CALCR: variants seen among roughly 807,000 people sequenced by gnomAD.
CALCR encodes calcitonin receptor.
CALCR carries 47 observed loss-of-function variants against 59.5 expected under a neutral mutation model. That is an observed-to-expected ratio of 0.79 (90% CI 0.63 to 1.01). The LOEUF is 1.01. Ranked by LOEUF, CALCR falls within the 50% of genes least tolerant of loss-of-function variation. The pLI is 0.00. For synonymous variants in CALCR, 213 were observed against 211.3 expected (o/e 1.01, Z -0.07); for missense variants, 566 against 597.1 (o/e 0.95, Z 0.54).
chr7:93,439,602 T>G (rs1297562284), intron 9 of CALCR, among the ~76,000 whole-genome samples: 1 of 150,518 alleles, frequency 6.6e-6, no homozygotes, highest in African/African-American at 2.4e-5. Flanking sequence ...GCTTTTTCTG[T>G]TTTTTTTTCT....
At chr7:93,490,110 A>C (rs1271730428) in intron 2 of CALCR, among the ~76,000 whole-genome samples, 1 of 152,000 alleles carries the variant, frequency 6.6e-6, no homozygotes, top group African/African-American at 2.4e-5. Context: ...CAACATACGC[A>C]AATCAATAAA....
intron 8 of CALCR, among the ~76,000 whole-genome samples, chr7:93,460,568 A>ATATATATATAT (rs1205349964): frequency 3.7e-5 from 3 of 80,028 alleles, no homozygotes; most frequent in African/African-American, 2.7e-4. Context: ...AAAAAAAAAA[A>ATATATATATAT]AAAAATATAT....
Position 93,436,457 on chromosome 7 carries a change from G to T in CALCR, c.931-287C>A, listed in dbSNP as rs538417257. The stretch of plus-strand genomic sequence containing the variant: ...TAATATGAGCCTTTCTATGGCGGGG[G>T]TGGTGGAGGGGTGTAGTATTACCTC... On this transcript the variant is annotated intron_variant, in intron 11 of 13. Coordinates refer to ENST00000426151, the MANE Select transcript of CALCR (RefSeq NM_001742.4). Among the ~76,000 whole-genome samples, 32 of 152,302 alleles carry T rather than the reference G, an allele frequency of 2.1e-4. No individual in the cohort carries two copies. In the South Asian group the frequency reaches 6.6e-3, roughly 32 times the overall value.
chr7:93,513,239 G>A (rs1459439143), intron 2 of CALCR, among the ~76,000 whole-genome samples: 2 of 152,018 alleles, frequency 1.3e-5, no homozygotes, highest in African/African-American at 4.8e-5. Flanking sequence ...ACAATTGGCA[G>A]CCCCAAATGT....
At chr7:93,573,268 T>C (rs550895489) in intron 2 of CALCR, among the ~76,000 whole-genome samples, 2 of 152,288 alleles carry the variant, frequency 1.3e-5, no homozygotes, top group South Asian at 4.1e-4. Context: ...ATACATAAAA[T>C]ATTTGCTTTC....
At chr7:93,571,399 T>A (rs1313778946) in intron 2 of CALCR, among the ~76,000 whole-genome samples, 2 of 152,038 alleles carry the variant, frequency 1.3e-5, no homozygotes, top group Admixed American at 1.3e-4. Flanking sequence ...GAATGACATT[T>A]AAAAAAATAT....
intron 8 of CALCR, among the ~76,000 whole-genome samples, chr7:93,451,977 C>T (rs912039978): frequency 2.0e-5 from 3 of 151,836 alleles, no homozygotes; most frequent in Non-Finnish European, 2.9e-5. Context: ...ATTGATCACA[C>T]AAGGACATAA....
intron 3 of CALCR, among the ~76,000 whole-genome samples, chr7:93,480,103 T>A (rs1261652640): frequency 2.0e-5 from 3 of 151,926 alleles, no homozygotes; most frequent in Non-Finnish European, 4.4e-5. Context: ...GCAATTCATG[T>A]TCACTAATGA....
At chr7:93,547,342 T>C (rs932949086) in intron 2 of CALCR, among the ~76,000 whole-genome samples, 2 of 152,224 alleles carry the variant, frequency 1.3e-5, no homozygotes, top group Non-Finnish European at 2.9e-5. Context: ...TTGGGGGATA[T>C]ATAAACAAAT....
chr7:93,429,359 G>T (rs139286219), intron 13 of CALCR, among the ~76,000 whole-genome samples: 1 of 152,048 alleles, frequency 6.6e-6, no homozygotes, highest in Admixed American at 6.5e-5. Context: ...GAAAATAAAT[G>T]TTTTCAGTTG....
At chr7:93,429,510 C>T (rs1799602985) in intron 13 of CALCR, among the ~76,000 whole-genome samples, 3 of 152,074 alleles carry the variant, frequency 2.0e-5, no homozygotes, top group Non-Finnish European at 4.4e-5. Flanking sequence ...AAAAATAGAG[C>T]CCTGGCCTCA....
At chr7:93,565,598 G>C (rs975261029) in intron 2 of CALCR, among the ~76,000 whole-genome samples, 4 of 151,944 alleles carry the variant, frequency 2.6e-5, no homozygotes, top group Non-Finnish European at 5.9e-5. Flanking sequence ...TTTCTAAATT[G>C]GCCCTCGAGC....
At chr7:93,472,749 T>C (rs746060749) in intron 5 of CALCR, among the ~76,000 whole-genome samples, 21 of 150,430 alleles carry the variant, frequency 1.4e-4, no homozygotes, top group Non-Finnish European at 2.2e-4. Context: ...GTGAGAGGAG[T>C]CATGGAGCTT....
At chr7:93,503,835 C>G (rs1400075189) in intron 2 of CALCR, among the ~76,000 whole-genome samples, 1 of 152,048 alleles carries the variant, frequency 6.6e-6, no homozygotes, top group Non-Finnish European at 1.5e-5. Flanking sequence ...AGGAACAACC[C>G]TCAAATTAAA....
rs1366454762 is a variant in CALCR, at chr7:93,424,629, T to C, written c.*1727A>G. On this transcript the variant is annotated 3_prime_UTR_variant, in exon 14 of 14. Coordinates refer to ENST00000426151, the MANE Select transcript of CALCR (RefSeq NM_001742.4). ...TTGGGCAGAACTATGTGCAATTCTA[T>C]AATAAGCTATTTTGTTTTCTTCAAC... 6.6e-6 allele frequency: 1 copy of C among 152,656 alleles called. No homozygotes were observed. Among genetic ancestry groups the C allele is most frequent in the Non-Finnish European group, 1.5e-5 (1 of 68,012 alleles). The allele number at this position is 152,656 out of a possible 1,614,324, so 9.5% of individuals were successfully genotyped here. A position where few individuals can be genotyped will look rare whatever the true frequency, so the allele number is the denominator to read the frequency against.
At chr7:93,480,123 G>A (rs1274078944) in intron 3 of CALCR, among the ~76,000 whole-genome samples, 1 of 151,844 alleles carries the variant, frequency 6.6e-6, no homozygotes, top group Non-Finnish European at 1.5e-5. Context: ...AAAAATCAAT[G>A]TATTTCTTAG....
intron 3 of CALCR, among the ~76,000 whole-genome samples, chr7:93,482,600 A>G (rs1800822593): frequency 6.6e-6 from 1 of 151,896 alleles, no homozygotes. Context: ...AAATTCATGG[A>G]AACCATAGGC....
chr7:93,497,276 A>C (rs766714547), intron 2 of CALCR, among the ~76,000 whole-genome samples: 6 of 151,638 alleles, frequency 4.0e-5, no homozygotes, highest in Non-Finnish European at 8.9e-5. Context: ...TTTTTACATC[A>C]TCATGCTAAC....
rs1800564872 is a variant in CALCR at position 93,472,124 on chromosome 7, G to T, written c.429+251C>A. ...CTGCTCTATGGACACTTATCCCCCT[G>T]CCATAAATGGACTGATTCTGTATGC... On this transcript the variant is annotated intron_variant, in intron 6 of 13. Coordinates refer to ENST00000426151, the MANE Select transcript of CALCR (RefSeq NM_001742.4). Among the ~76,000 whole-genome samples, 5 of 151,710 alleles carry T rather than the reference G, an allele frequency of 3.3e-5. No homozygotes were observed. The Admixed American group carries it at 3.3e-4, about 10-fold the overall frequency.
Sources: gnomAD v4.1 joint callset for allele counts (sites outside exome capture counted in the v4.1 genomes callset) on GRCh38, gnomAD v4.1.1 for gene constraint, MANE v1.5 for transcripts, NCBI Gene and HGNC (gene_info 2026-07-23, HGNC 2026-07-21) for gene names.